Variants in SPATA17 observed in about 807,000 individuals in gnomAD.
SPATA17 encodes spermatogenesis-associated protein 17.
SPATA17 carries 53 observed loss-of-function variants against 62.2 expected under a neutral mutation model. The observed-to-expected ratio is 0.85, with a 90% confidence interval of 0.68 to 1.07. SPATA17 has a LOEUF of 1.07. Among genes scored for constraint, SPATA17 ranks in the 50% least tolerant of loss-of-function variants. The probability of loss-of-function intolerance (pLI) is 0.00; values close to 1 mark genes in which losing one functional copy is unlikely to be tolerated. For synonymous variants in SPATA17, 146 were observed against 146.8 expected (o/e 0.99, Z 0.04); for missense variants, 466 against 425.5 (o/e 1.10, Z -0.84).
chr1:217,783,613 A>G (rs1334206416), intron 8 of SPATA17, among the ~76,000 whole-genome samples: 1 of 152,148 alleles, frequency 6.6e-6, no homozygotes, highest in African/African-American at 2.4e-5. Context: ...ATGATTATCT[A>G]AAGAGTTATA....
intron 9 of SPATA17, among the ~76,000 whole-genome samples, chr1:217,834,451 C>A (rs1172661434): frequency 6.6e-6 from 1 of 152,028 alleles, no homozygotes; most frequent in Non-Finnish European, 1.5e-5. Context: ...TCTAGTGGGA[C>A]AAGCTATGGA....
chr1:217,755,465 T>C (rs1416904021), intron 6 of SPATA17, among the ~76,000 whole-genome samples: 1 of 152,046 alleles, frequency 6.6e-6, no homozygotes, highest in Non-Finnish European at 1.5e-5. Flanking sequence ...TCTCAGTAGC[T>C]AGTATTATGC....
intron 6 of SPATA17, among the ~76,000 whole-genome samples, chr1:217,763,447 G>A (rs1258720804): frequency 1.3e-5 from 2 of 152,080 alleles, no homozygotes; most frequent in Admixed American, 6.5e-5. Flanking sequence ...TAACTGGCAT[G>A]TATTGAAGAA....
intron 7 of SPATA17, among the ~76,000 whole-genome samples, chr1:217,779,143 C>T (rs1673670578): frequency 1.3e-5 from 1 of 76,868 alleles, no homozygotes; most frequent in African/African-American, 3.9e-5. Context: ...TGTAAAACAA[C>T]TTGTGTGTGT....
chr1:217,732,507 G>C (rs778956117), intron 5 of SPATA17, among the ~76,000 whole-genome samples: 1 of 152,164 alleles, frequency 6.6e-6, no homozygotes, highest in Non-Finnish European at 1.5e-5. Flanking sequence ...AATGGGAACT[G>C]TAGCTACCTC....
At chr1:217,696,347 C>T (rs533585243) in intron 5 of SPATA17, among the ~76,000 whole-genome samples, 2 of 152,208 alleles carry the variant, frequency 1.3e-5, no homozygotes, top group South Asian at 2.1e-4. Flanking sequence ...CGCCCTGCTT[C>T]GGCTCGCGCA....
At chr1:217,787,595 AACT>A (rs1447668153) in intron 8 of SPATA17, among the ~76,000 whole-genome samples, 2 of 152,232 alleles carry the variant, frequency 1.3e-5, no homozygotes, top group African/African-American at 4.8e-5. Flanking sequence ...TAAACATTAA[AACT>A]ACAACACATA....
chr1:217,734,603 G>T (rs114253076), intron 5 of SPATA17, among the ~76,000 whole-genome samples: 4 of 152,198 alleles, frequency 2.6e-5, no homozygotes, highest in African/African-American at 9.6e-5. Flanking sequence ...AATCCATTTC[G>T]TTAGAATTTT....
At chr1:217,826,493 A>G (rs1470542906) in intron 9 of SPATA17, among the ~76,000 whole-genome samples, 1 of 152,106 alleles carries the variant, frequency 6.6e-6, no homozygotes, top group African/African-American at 2.4e-5. Context: ...CAAGTATATA[A>G]TTATCTGAAA....
chr1:217,737,808 C>T (rs1672543581), intron 5 of SPATA17: 1 of 150,880 alleles, frequency 6.6e-6, no homozygotes, highest in Non-Finnish European at 1.5e-5. Flanking sequence ...CAACATAGTT[C>T]AGCAGATATG....
At chr1:217,753,982 A>G (rs1173079361) in intron 6 of SPATA17, among the ~76,000 whole-genome samples, 5 of 152,036 alleles carry the variant, frequency 3.3e-5, no homozygotes, top group African/African-American at 1.2e-4. Flanking sequence ...CGCCTGTAAT[A>G]CCCAACACTT....
intron 6 of SPATA17, among the ~76,000 whole-genome samples, chr1:217,769,681 T>C (rs989394125): frequency 6.6e-6 from 1 of 152,198 alleles, no homozygotes; most frequent in Non-Finnish European, 1.5e-5. Flanking sequence ...CTAAAAGCAT[T>C]TGACATCAGT....
chr1:217,766,785 G>A (rs1379570913), intron 6 of SPATA17, among the ~76,000 whole-genome samples: 1 of 150,542 alleles, frequency 6.6e-6, no homozygotes, highest in Non-Finnish European at 1.5e-5. Context: ...CACACATGCA[G>A]GTTTGTTATA....
chr1:217,827,044 A>T (rs1322184423), intron 9 of SPATA17, among the ~76,000 whole-genome samples: 1 of 152,010 alleles, frequency 6.6e-6, no homozygotes, highest in Non-Finnish European at 1.5e-5. Context: ...TGTTATAGTG[A>T]TATTCTAAAT....
At position 217,648,946 on chromosome 1, in the gene SPATA17, G is replaced by A. The variant is rs1311764277; in HGVS notation, c.133G>A (p.Gly45Arg). The change falls in exon 2 of 11, where the codon GGA becomes AGA. Residue 45 changes from glycine to arginine, a missense_variant. Gly to Arg is a moderately radical substitution (Grantham distance 125). Transcript: ENST00000366933. ...AAVKIQSWFR[G>R]CQVRAYIRHL... is the part of the protein sequence containing the mutation. ...AGTTAAAATCCAAAGCTGGTTTCGAGGATGTCAAGTTCGGGCATATATCAG... is the reference window on the plus strand; with the variant it reads ...AGTTAAAATCCAAAGCTGGTTTCGAAGATGTCAAGTTCGGGCATATATCAG... 3.1e-6 allele frequency: 5 copies of A among 1,610,370 alleles called. No homozygotes were observed. The highest frequency in any genetic ancestry group is 1.3e-5 in the African/African-American group (1 of 74,924).
intron 8 of SPATA17, among the ~76,000 whole-genome samples, chr1:217,794,230 C>T (rs770834799): frequency 3.2e-4 from 49 of 152,052 alleles, no homozygotes; most frequent in Non-Finnish European, 8.8e-5. Flanking sequence ...TGACTATCAC[C>T]TAGTTGTTAC....
chr1:217,684,128 G>A (rs1252243560), intron 5 of SPATA17, among the ~76,000 whole-genome samples: 1 of 152,124 alleles, frequency 6.6e-6, no homozygotes. Context: ...AAACACATAG[G>A]AGGATAGGAC....
At chr1:217,822,202 G>T (rs1204192437) in intron 9 of SPATA17, among the ~76,000 whole-genome samples, 1 of 151,916 alleles carries the variant, frequency 6.6e-6, no homozygotes, top group African/African-American at 2.4e-5. Context: ...TCAACCATTT[G>T]TGTGAATTTT....
chr1:217,811,244 G>A (rs1674579184), intron 9 of SPATA17, among the ~76,000 whole-genome samples: 1 of 151,986 alleles, frequency 6.6e-6, no homozygotes, highest in Admixed American at 6.6e-5. Flanking sequence ...ATGCTGGCCA[G>A]GCTGGTCTCG....
Sources: allele counts gnomAD v4.1 joint callset (sites outside exome capture counted in the v4.1 genomes callset), GRCh38; gene constraint gnomAD v4.1.1; transcripts MANE v1.5; gene names NCBI Gene and HGNC (gene_info 2026-07-23, HGNC 2026-07-21).